PCDHA3: variants seen among roughly 807,000 people sequenced by gnomAD.
The protein encoded by PCDHA3 is protocadherin alpha 3.
A neutral mutation model predicts 62.2 loss-of-function variants in PCDHA3; 41 were observed. That is an observed-to-expected ratio of 0.66 (90% CI 0.51 to 0.86). The LOEUF (loss-of-function observed/expected upper bound fraction) is 0.86, where lower values mean the gene tolerates loss of function less well. PCDHA3 is among the 40% of genes least tolerant of loss of function. The probability of loss-of-function intolerance (pLI) is 0.00; values close to 1 mark genes in which losing one functional copy is unlikely to be tolerated. For missense variants in PCDHA3, 1,304 were observed against 1,241.2 expected (o/e 1.05, Z -0.76); for synonymous variants, 640 against 555.4 (o/e 1.15, Z -2.14).
intron 1 of PCDHA3, chr5:140,834,345 C>T: frequency 2.0e-6 from 3 of 1,521,606 alleles, no homozygotes; most frequent in Non-Finnish European, 2.7e-6. Context: ...AATTCGAAGG[C>T]AAGTTTTGCT....
intron 2 of PCDHA3, among the ~76,000 whole-genome samples, chr5:140,980,855 C>T (rs1313101029): frequency 2.6e-5 from 4 of 151,960 alleles, no homozygotes; most frequent in South Asian, 2.1e-4. Flanking sequence ...TAATCTTTTT[C>T]GTATGTGTGC....
At chr5:140,966,463 TC>T in intron 1 of PCDHA3, 1 of 429,360 alleles carries the variant, frequency 2.3e-6, no homozygotes, top group Non-Finnish European at 4.0e-6. Flanking sequence ...CCCTCTGTCT[TC>T]CCTTCTGTTT....
In PCDHA3 at chr5:140,852,913, C is replaced by T. The variant is rs1049603873; in HGVS notation, c.2394+49322C>T. ...TTTTTTTTTGAGTCAGAGTCTCGCTCTGTTGCCCAGGCTGGAGTGCAGTGG... is the reference window on the plus strand; with the variant it reads ...TTTTTTTTTGAGTCAGAGTCTCGCTTTGTTGCCCAGGCTGGAGTGCAGTGG... On this transcript the variant is annotated intron_variant, in intron 1 of 3. Coordinates refer to ENST00000522353, the MANE Select transcript of PCDHA3 (RefSeq NM_018906.3). 2.0e-4 allele frequency: 157 copies of T among 789,674 alleles called. 4 individuals are homozygous for T. The highest frequency in any genetic ancestry group is 2.4e-4 in the Non-Finnish European group (154 of 638,000). 48.9% of individuals were successfully genotyped at this position (789,674 alleles called of 1,614,324 possible). A position where few individuals can be genotyped will look rare whatever the true frequency, so the allele number is the denominator to read the frequency against.
chr5:140,969,167 T>G (rs1554231527), intron 1 of PCDHA3: 1 of 1,613,668 alleles, frequency 6.2e-7, no homozygotes. Flanking sequence ...GACAGCAGGC[T>G]CAGGGAGTGA....
intron 1 of PCDHA3, chr5:140,858,817 G>T: frequency 2.9e-6 from 1 of 345,470 alleles, no homozygotes; most frequent in African/African-American, 2.2e-5. Flanking sequence ...TGATTTGATT[G>T]TATTTGCATT....
chr5:140,946,806 T>A (rs965284033), intron 1 of PCDHA3, among the ~76,000 whole-genome samples: 20 of 151,184 alleles, frequency 1.3e-4, no homozygotes, highest in African/African-American at 4.6e-4. Context: ...GCAGAGAGTA[T>A]AACAGTGATT....
chr5:140,823,438 C>T, intron 1 of PCDHA3: 2 of 1,613,332 alleles, frequency 1.2e-6, no homozygotes, highest in South Asian at 1.1e-5. Context: ...GGTGTTCGTG[C>T]TGGACGAGAA....
At chr5:141,004,449 A>G (rs2098166973) in intron 3 of PCDHA3, among the ~76,000 whole-genome samples, 1 of 152,180 alleles carries the variant, frequency 6.6e-6, no homozygotes. Flanking sequence ...GTCATATAGA[A>G]CCAGGAAGCT....
intron 1 of PCDHA3, among the ~76,000 whole-genome samples, chr5:140,920,608 G>A (rs2153558027): frequency 6.6e-6 from 1 of 152,286 alleles, no homozygotes; most frequent in Non-Finnish European, 1.5e-5. Flanking sequence ...CACTTTGGGA[G>A]GCCGAGGCGG....
At chr5:140,991,298 A>G (rs555776023) in intron 3 of PCDHA3, among the ~76,000 whole-genome samples, 1 of 152,288 alleles carries the variant, frequency 6.6e-6, no homozygotes, top group Non-Finnish European at 1.5e-5. Context: ...ACACATTACT[A>G]TTATCTTGTC....
At chr5:140,867,469 T>C (rs895909736) in intron 1 of PCDHA3, 2 of 152,068 alleles carry the variant, frequency 1.3e-5, no homozygotes, top group Non-Finnish European at 2.9e-5. Context: ...TATGACAACA[T>C]TGGGAAAAGA....
At chr5:140,854,583 A>T (rs1554147343) in intron 1 of PCDHA3, 1 of 149,916 alleles carries the variant, frequency 6.7e-6, no homozygotes, top group African/African-American at 2.4e-5. Flanking sequence ...AGATTTTAAT[A>T]AAAAAAGTTT....
chr5:140,821,857 G>A, intron 1 of PCDHA3: 1 of 1,614,186 alleles, frequency 6.2e-7, no homozygotes, highest in South Asian at 1.1e-5. Context: ...GGCAGGGAGC[G>A]GCCAGCTCCA....
chr5:140,890,283 A>G (rs1554184241), intron 1 of PCDHA3, among the ~76,000 whole-genome samples: 2 of 152,192 alleles, frequency 1.3e-5, no homozygotes, highest in Admixed American at 1.3e-4. Flanking sequence ...CACTCAGTTG[A>G]GTCAGAACCA....
intron 3 of PCDHA3, among the ~76,000 whole-genome samples, chr5:140,985,651 T>A (rs1413086230): frequency 6.6e-6 from 1 of 151,992 alleles, no homozygotes; most frequent in Non-Finnish European, 1.5e-5. Context: ...ACACTTGCAA[T>A]GGCTGAATAA....
At chr5:140,983,138 G>C (rs1217034245) in intron 3 of PCDHA3, among the ~76,000 whole-genome samples, 1 of 152,170 alleles carries the variant, frequency 6.6e-6, no homozygotes, top group Non-Finnish European at 1.5e-5. Flanking sequence ...CTGACTTTTA[G>C]TGCCTTGGCA....
chr5:140,811,132 A>G (rs1235469619), intron 1 of PCDHA3: 6 of 152,110 alleles, frequency 3.9e-5, no homozygotes, highest in Admixed American at 3.3e-4. Context: ...TACATTAGGT[A>G]TTTCTCCTAA....
Position 140,984,851 on chromosome 5 carries a change from A to G in PCDHA3, c.2542+2288A>G, listed in dbSNP as rs986424116. Among the ~76,000 whole-genome samples the G allele has an allele frequency of 2.6e-5, 4 of 152,200 alleles. No individual in the cohort carries two copies. In the South Asian group the frequency reaches 6.2e-4, roughly 24 times the overall value. ...TTTCTGTAAATTGGGTGTAGTAATA[A>G]TAATAACACCTATTTTATTGAGTTA... On this transcript the variant is annotated intron_variant, in intron 3 of 3. Coordinates refer to ENST00000522353, the MANE Select transcript of PCDHA3 (RefSeq NM_018906.3).
intron 3 of PCDHA3, among the ~76,000 whole-genome samples, chr5:140,992,959 T>A (rs1262703040): frequency 6.6e-6 from 1 of 152,206 alleles, no homozygotes; most frequent in Non-Finnish European, 1.5e-5. Context: ...TCACCCCTTA[T>A]ACTGCTGACA....
Sources: allele counts gnomAD v4.1 joint callset (sites outside exome capture counted in the v4.1 genomes callset), GRCh38; gene constraint gnomAD v4.1.1; transcripts MANE v1.5; gene names NCBI Gene and HGNC (gene_info 2026-07-23, HGNC 2026-07-21).